DSCAM: variants seen among roughly 807,000 people sequenced by gnomAD.
DSCAM encodes DS cell adhesion molecule.
A neutral mutation model predicts 217.7 loss-of-function variants in DSCAM; 47 were observed. The ratio of observed to expected loss-of-function variants is 0.22; its 90% CI spans 0.17 to 0.28. The LOEUF (loss-of-function observed/expected upper bound fraction) is 0.28. Ranked by LOEUF, DSCAM falls within the 10% of genes least tolerant of loss-of-function variation. DSCAM has a pLI of 1.00. For missense variants in DSCAM, 2,080 were observed against 2,618.3 expected, an observed-to-expected ratio of 0.79 and a Z score of 4.49; for synonymous variants, 1,056 against 1,015.3, an observed-to-expected ratio of 1.04 and a Z score of -0.76.
At chr21:40,643,814 T>C (rs2089911481) in intron 3 of DSCAM, among the ~76,000 whole-genome samples, 1 of 152,230 alleles carries the variant, frequency 6.6e-6, no homozygotes, top group Admixed American at 6.5e-5. Flanking sequence ...AGTATGCAGC[T>C]ACCTGCAAGC....
intron 1 of DSCAM, among the ~76,000 whole-genome samples, chr21:40,728,631 G>T (rs2090982197): frequency 6.6e-6 from 1 of 151,984 alleles, no homozygotes; most frequent in Admixed American, 6.6e-5. Context: ...TGTTGGCCAG[G>T]CTGGTCTCGA....
intron 31 of DSCAM, 60 bp downstream of exon 31, chr21:40,044,018 G>A (rs1288909492): frequency 1.3e-6 from 2 of 1,571,548 alleles, no homozygotes; most frequent in African/African-American, 1.3e-5. Context: ...AGCCCATGAA[G>A]CTCAAGGTGC....
At chr21:40,384,899 C>T (rs2075067550) in intron 3 of DSCAM, 1 of 152,072 alleles carries the variant, frequency 6.6e-6, no homozygotes, top group African/African-American at 2.4e-5. Context: ...CATCCATGTA[C>T]CCATTTCTTA....
At position 40,353,393 on chromosome 21, in the gene DSCAM, G is replaced by A. The variant is rs188513000; in HGVS notation, c.934+72C>T. On this transcript the variant is annotated intron_variant, in intron 5 of 32. Transcript: ENST00000400454. ...TAATGGAAAGCTACAGAGAAAACAT[G>A]GAGATTTGCTTATAACAGGAGCTCC... 3 of 1,562,738 alleles carry A rather than the reference G, an allele frequency of 1.9e-6. No individual in the cohort carries two copies. The African/African-American group carries it at 4.2e-5, about 22-fold the overall frequency.
intron 3 of DSCAM, among the ~76,000 whole-genome samples, chr21:40,563,424 TC>T (rs1026378271): frequency 1.4e-4 from 21 of 148,764 alleles, no homozygotes; most frequent in South Asian, 1.3e-3. Flanking sequence ...TTCTCAGAGT[TC>T]CACCAGATCA....
At chr21:40,441,122 G>A (rs1747448047) in intron 3 of DSCAM, among the ~76,000 whole-genome samples, 1 of 152,132 alleles carries the variant, frequency 6.6e-6, no homozygotes, top group Non-Finnish European at 1.5e-5. Flanking sequence ...AAGGAAAAGG[G>A]AGTGTCTGTC....
chr21:40,708,815 C>T, intron 1 of DSCAM, 44 bp from the exon 2 acceptor site: 1 of 1,337,466 alleles, frequency 7.5e-7, no homozygotes, highest in South Asian at 2.1e-5. Context: ...GTAAAACATG[C>T]CTTTGACATT....
intron 27 of DSCAM, among the ~76,000 whole-genome samples, chr21:40,073,464 A>C (rs1720420451): frequency 6.6e-6 from 1 of 152,194 alleles, no homozygotes; most frequent in Non-Finnish European, 1.5e-5. Context: ...AGTCCAGGCC[A>C]CTGTGAACAA....
At chr21:40,165,356 G>A (rs2090583135) in intron 16 of DSCAM, among the ~76,000 whole-genome samples, 1 of 152,194 alleles carries the variant, frequency 6.6e-6, no homozygotes, top group Non-Finnish European at 1.5e-5. Context: ...GAAATGCTAA[G>A]CTGGTGACAG....
chr21:40,604,912 C>A (rs1370064321), intron 3 of DSCAM, among the ~76,000 whole-genome samples: 2 of 152,160 alleles, frequency 1.3e-5, no homozygotes, highest in Non-Finnish European at 2.9e-5. Context: ...GTGAGGCAGG[C>A]AGGATAGAAG....
intron 2 of DSCAM, among the ~76,000 whole-genome samples, chr21:40,703,723 T>C (rs929467000): frequency 6.6e-6 from 1 of 152,236 alleles, no homozygotes; most frequent in African/African-American, 2.4e-5. Context: ...TGTCTTGAGC[T>C]TGGGGTTTGT....
At position 40,401,646 on chromosome 21, in the gene DSCAM, G is replaced by C. The variant is rs144672574; in HGVS notation, c.509-32401C>G. Among the ~76,000 whole-genome samples the C allele has an allele frequency of 5.7e-3, 864 of 152,310 alleles. 8 individuals are homozygous for C. The highest frequency in any genetic ancestry group is 0.02 in the African/African-American group (821 of 41,562). ...CAGGGACCACTCCTTGAGGACTGTT[G>C]CACTTTGGCATTGTGATTTAAAATG... On this transcript the variant is annotated intron_variant, in intron 3 of 32. Coordinates refer to ENST00000400454, the MANE Select transcript of DSCAM (RefSeq NM_001389.5).
intron 10 of DSCAM, among the ~76,000 whole-genome samples, chr21:40,282,895 GTTTC>G (rs1007240009): frequency 6.0e-4 from 92 of 152,266 alleles, no homozygotes; most frequent in African/African-American, 1.9e-3. Context: ...ACTGAAGTAA[GTTTC>G]TTTATTACTA....
intron 8 of DSCAM, among the ~76,000 whole-genome samples, chr21:40,313,708 C>G (rs970633731): frequency 4.6e-5 from 7 of 151,902 alleles, no homozygotes; most frequent in Non-Finnish European, 1.0e-4. Flanking sequence ...TCTCGGAGGG[C>G]TTAAATCATG....
At chr21:40,813,099 G>A (rs2091852791) in intron 1 of DSCAM, among the ~76,000 whole-genome samples, 1 of 152,116 alleles carries the variant, frequency 6.6e-6, no homozygotes. Flanking sequence ...TGAAATACGA[G>A]GAGAAATACA....
intron 11 of DSCAM, among the ~76,000 whole-genome samples, chr21:40,254,843 T>A (rs2073350134): frequency 6.6e-6 from 1 of 151,792 alleles, no homozygotes; most frequent in African/African-American, 2.4e-5. Context: ...AGCTTTCCAC[T>A]CAAAAATCAG....
intron 8 of DSCAM, among the ~76,000 whole-genome samples, chr21:40,333,801 C>T (rs2074401565): frequency 6.6e-6 from 1 of 152,168 alleles, no homozygotes; most frequent in Non-Finnish European, 1.5e-5. Context: ...CATTCTTCTG[C>T]CTGAGTCTCC....
At chr21:40,340,651 A>G (rs1184466537) in intron 6 of DSCAM, among the ~76,000 whole-genome samples, 1 of 152,338 alleles carries the variant, frequency 6.6e-6, no homozygotes, top group East Asian at 1.9e-4. Flanking sequence ...TTTGTGTTCA[A>G]TTAAAGGGTT....
chr21:40,420,936 TC>T (rs2075418122), intron 3 of DSCAM, among the ~76,000 whole-genome samples: 1 of 152,156 alleles, frequency 6.6e-6, no homozygotes, highest in Non-Finnish European at 1.5e-5. Flanking sequence ...ATGATGCATT[TC>T]TTTCGCTGTA....
Sources: allele counts gnomAD v4.1 joint callset (sites outside exome capture counted in the v4.1 genomes callset), GRCh38; gene constraint gnomAD v4.1.1; transcripts MANE v1.5; gene names NCBI Gene and HGNC (gene_info 2026-07-23, HGNC 2026-07-21).